Variants in TSPAN18 observed in about 807,000 individuals in gnomAD.
The protein encoded by TSPAN18 is tetraspanin 18, also known as tetraspanin-18.
In TSPAN18, 14 loss-of-function variants were observed where a neutral mutation model predicts 27.3. The ratio of observed to expected loss-of-function variants is 0.51; its 90% confidence interval spans 0.34 to 0.80. TSPAN18 has a LOEUF of 0.80. TSPAN18 is among the 30% of genes least tolerant of loss of function. The pLI is 0.01. For missense variants in TSPAN18, 268 were observed against 323.9 expected, an observed-to-expected ratio of 0.83 and a Z score of 1.32; for synonymous variants, 143 against 136.5, an observed-to-expected ratio of 1.05 and a Z score of -0.33.
At chr11:44,748,539 T>A (rs558174758) in intron 1 of TSPAN18, among the ~76,000 whole-genome samples, 4 of 152,330 alleles carry the variant, frequency 2.6e-5, no homozygotes, top group Admixed American at 2.6e-4. Flanking sequence ...TGTGCCAACC[T>A]GGAATTATAT....
At chr11:44,820,519 G>A (rs1319039164) in intron 2 of TSPAN18, among the ~76,000 whole-genome samples, 2 of 152,228 alleles carry the variant, frequency 1.3e-5, no homozygotes, top group South Asian at 2.1e-4. Flanking sequence ...GACTGTTTGT[G>A]ATTGAATCCT....
intron 2 of TSPAN18, among the ~76,000 whole-genome samples, chr11:44,841,166 G>A (rs1352294908): frequency 6.6e-6 from 1 of 152,190 alleles, no homozygotes; most frequent in African/African-American, 2.4e-5. Flanking sequence ...CCTACATGGA[G>A]CTTAATACTC....
chr11:44,924,504 G>A (rs1314474583), intron 8 of TSPAN18, among the ~76,000 whole-genome samples: 3 of 152,214 alleles, frequency 2.0e-5, no homozygotes, highest in East Asian at 1.9e-4. Flanking sequence ...TTCCCTGTCC[G>A]GGAAACCCCT....
intron 1 of TSPAN18, among the ~76,000 whole-genome samples, chr11:44,743,250 A>G (rs1453597272): frequency 1.3e-5 from 2 of 152,160 alleles, no homozygotes; most frequent in African/African-American, 4.8e-5. Flanking sequence ...GCCATCACCA[A>G]GGTTTGCGTC....
intron 2 of TSPAN18, among the ~76,000 whole-genome samples, chr11:44,825,519 T>A (rs835828): frequency 0.58 from 87,983 of 151,936 alleles, 25,935 homozygotes; most frequent in East Asian, 0.94. Flanking sequence ...GCTCTCAGGC[T>A]CCAGCAGAGG....
chr11:44,880,084 C>T (rs1858448563), intron 3 of TSPAN18, among the ~76,000 whole-genome samples: 1 of 152,216 alleles, frequency 6.6e-6, no homozygotes, highest in Non-Finnish European at 1.5e-5. Context: ...GAATCCTGGC[C>T]TGTCATCCAT....
intron 2 of TSPAN18, among the ~76,000 whole-genome samples, chr11:44,824,091 A>T (rs1409932294): frequency 1.3e-5 from 2 of 152,098 alleles, no homozygotes; most frequent in Non-Finnish European, 2.9e-5. Context: ...CTCAACATAA[A>T]GCCTGCCTCG....
chr11:44,858,310 T>C (rs1401567684), intron 2 of TSPAN18, among the ~76,000 whole-genome samples: 1 of 152,178 alleles, frequency 6.6e-6, no homozygotes. Context: ...CACCCATATC[T>C]GCCCCCTCCT....
At chr11:44,859,796 C>G (rs1467317184) in intron 2 of TSPAN18, 2 of 152,254 alleles carry the variant, frequency 1.3e-5, no homozygotes, top group African/African-American at 2.4e-5. Flanking sequence ...GAGTTTAGGC[C>G]TTGCTCTGCC....
intron 2 of TSPAN18, among the ~76,000 whole-genome samples, chr11:44,828,515 C>T (rs572003717): frequency 9.2e-5 from 14 of 152,190 alleles, no homozygotes; most frequent in East Asian, 7.7e-4. Flanking sequence ...ATAAGCACTG[C>T]GGCAGGGGCC....
chr11:44,730,307 GCCCTTT>G, intron 1 of TSPAN18, among the ~76,000 whole-genome samples: 1 of 152,304 alleles, frequency 6.6e-6, no homozygotes, highest in Middle Eastern at 3.4e-3. Context: ...CTTGGGAAGA[GCCCTTT>G]CAGTTCCTGG....
intron 2 of TSPAN18, among the ~76,000 whole-genome samples, chr11:44,788,201 C>G (rs969260334): frequency 1.4e-4 from 22 of 152,310 alleles, no homozygotes; most frequent in African/African-American, 5.1e-4. Context: ...GACCCTCAGT[C>G]CCCAGATGGG....
intron 3 of TSPAN18, among the ~76,000 whole-genome samples, chr11:44,904,357 A>G (rs1859378514): frequency 2.6e-5 from 4 of 152,196 alleles, no homozygotes; most frequent in Admixed American, 2.6e-4. Flanking sequence ...CCCTTTAGGG[A>G]GGAAAGCCCT....
At chr11:44,824,391 G>C (rs116664674) in intron 2 of TSPAN18, among the ~76,000 whole-genome samples, 1 of 152,236 alleles carries the variant, frequency 6.6e-6, no homozygotes, top group Non-Finnish European at 1.5e-5. Context: ...GCTGGGGGCA[G>C]GGATAGGGGA....
At chr11:44,896,385 T>C (rs1032281603) in intron 3 of TSPAN18, among the ~76,000 whole-genome samples, 13 of 152,120 alleles carry the variant, frequency 8.5e-5, no homozygotes, top group Admixed American at 8.5e-4. Context: ...AGTTTCCCCA[T>C]TGTACTGTGG....
At chr11:44,819,330 C>T (rs1458400097) in intron 2 of TSPAN18, among the ~76,000 whole-genome samples, 2 of 152,152 alleles carry the variant, frequency 1.3e-5, no homozygotes, top group Non-Finnish European at 2.9e-5. Context: ...AACTTGACTT[C>T]TGAGGAATAG....
intron 1 of TSPAN18, chr11:44,736,807 T>A (rs1854807153): frequency 6.6e-6 from 1 of 152,216 alleles, no homozygotes; most frequent in Admixed American, 6.5e-5. Flanking sequence ...GTTTGATCTT[T>A]GACAAATCAC....
intron 3 of TSPAN18, among the ~76,000 whole-genome samples, chr11:44,874,727 G>A (rs377176782): frequency 6.6e-5 from 10 of 152,202 alleles, no homozygotes; most frequent in African/African-American, 2.2e-4. Context: ...ATGGCTGGCC[G>A]GGCCTGGCAG....
At chr11:44,856,919 C>G (rs1056948891) in intron 2 of TSPAN18, among the ~76,000 whole-genome samples, 13 of 152,118 alleles carry the variant, frequency 8.5e-5, no homozygotes, top group Non-Finnish European at 4.4e-5. Context: ...AACTGTTTTC[C>G]TCTCTTCTTC....
Sources: gnomAD v4.1 joint callset for allele counts (sites outside exome capture counted in the v4.1 genomes callset) on GRCh38, gnomAD v4.1.1 for gene constraint, MANE v1.5 for transcripts, NCBI Gene and HGNC (gene_info 2026-07-23, HGNC 2026-07-21) for gene names.